GABPA: variants seen among roughly 807,000 people sequenced by gnomAD.
GABPA encodes the protein GA binding protein transcription factor subunit alpha.
A neutral mutation model predicts 59.4 loss-of-function variants in GABPA; 4 were observed. That is an observed-to-expected ratio of 0.07 (90% CI 0.03 to 0.15). GABPA has a LOEUF of 0.15. Among genes scored for constraint, GABPA ranks in the 10% least tolerant of loss-of-function variants. The pLI is 1.00. For missense variants in GABPA, 251 were observed against 543.8 expected (o/e 0.46, Z 5.36); for synonymous variants, 164 against 183.1 (o/e 0.90, Z 0.84).
chr21:25,762,382 A>G lies in GABPA; in HGVS notation c.802+17A>G, dbSNP rs769668227. The G allele has an allele frequency of 2.7e-6, 4 of 1,505,100 alleles. No individual in the cohort carries two copies. The highest frequency in any genetic ancestry group is 2.8e-5 in the African/African-American group (2 of 70,966). The allele number at this position is 1,505,100 out of a possible 1,614,324, so 93.2% of individuals were successfully genotyped here. On this transcript the variant is annotated intron_variant, in intron 7 of 9. Coordinates refer to ENST00000400075, the MANE Select transcript of GABPA (RefSeq NM_002040.4). ...TTGATCAACGTGAGTATTTGTACCT[A>G]TATTTGCCCTTTTATTAATAAGAAA...
chr21:25,771,280 A>G lies in GABPA; in HGVS notation c.*2048A>G, dbSNP rs1312687293. 1.3e-5 allele frequency: 2 copies of G among 152,032 alleles called. No individual in the cohort carries two copies. Among genetic ancestry groups the G allele is most frequent in the East Asian group, 1.9e-4 (1 of 5,202 alleles). The allele number at this position is 152,032 out of a possible 1,614,324, so 9.4% of individuals were successfully genotyped here. A position where few individuals can be genotyped will look rare whatever the true frequency, so the allele number is the denominator to read the frequency against. ...TATGTGTGTGTATGTTTTTAAAGCT[A>G]AAAACATTACTTTTAGATCCCTAGA... is the stretch of plus-strand genomic sequence containing the variant. On this transcript the variant is annotated 3_prime_UTR_variant, in exon 10 of 10. Transcript: ENST00000400075.
At chr21:25,760,388 G>A (rs1467577795) in intron 6 of GABPA, among the ~76,000 whole-genome samples, 1 of 152,176 alleles carries the variant, frequency 6.6e-6, no homozygotes, top group Non-Finnish European at 1.5e-5. Context: ...GGACAGAACT[G>A]TTAATAACCC....
rs767605038 is a variant in GABPA at position 25,758,098 on chromosome 21, A to C, written c.642A>C (p.Thr214=). The stretch of plus-strand genomic sequence containing the variant: ...GCATGACCGATATAGACCTCACCAC[A>C]CTCAACATTTCGGGGAGAGAATTAT... ...EFSMTDIDLT[T]LNISGRELCS... Residue 214 remains threonine (T), a synonymous_variant, in exon 6 of 10, where the codon ACA becomes ACC. Coordinates refer to ENST00000400075, the MANE Select transcript of GABPA (RefSeq NM_002040.4). The C allele has an allele frequency of 6.2e-7, 1 of 1,610,984 alleles. No homozygotes were observed. The highest frequency in any genetic ancestry group is 8.5e-7 in the Non-Finnish European group (1 of 1,178,608).
intron 4 of GABPA, 84 bp from the exon 5 acceptor site, chr21:25,751,905 T>G: frequency 7.2e-7 from 1 of 1,381,304 alleles, no homozygotes; most frequent in Non-Finnish European, 1.0e-6. Flanking sequence ...TTCTCTACCA[T>G]TTGGGAACAT....
intron 6 of GABPA, 73 bp downstream of exon 6, chr21:25,758,277 C>G: frequency 9.1e-7 from 1 of 1,098,002 alleles, no homozygotes; most frequent in East Asian, 2.6e-5. Flanking sequence ...TTGTTTTCAT[C>G]TTAGTTGTTT....
Position 25,764,202 on chromosome 21 carries a change from C to T in GABPA, c.803-8C>T, listed in dbSNP as rs1291842419. 4.5e-6 allele frequency: 7 copies of T among 1,562,146 alleles called. No homozygotes were observed. The highest frequency in any genetic ancestry group is 5.2e-6 in the Non-Finnish European group (6 of 1,159,796). ...AGAAAAAAAATTTCTCCTTGTCTGTCTTTGCAGCTGTGCAAATTATTCCAG... is the reference window on the plus strand; with the variant it reads ...AGAAAAAAAATTTCTCCTTGTCTGTTTTTGCAGCTGTGCAAATTATTCCAG... On this transcript the variant is annotated splice_region_variant and splice_polypyrimidine_tract_variant and intron_variant, in intron 7 of 9. Transcript: ENST00000400075.
chr21:25,748,915 T>C, intron 3 of GABPA, 121 bp from the exon 4 acceptor site: 1 of 669,556 alleles, frequency 1.5e-6, no homozygotes, highest in South Asian at 1.8e-5. Flanking sequence ...GTTCTTATAA[T>C]TTAATTAGTA....
intron 4 of GABPA, among the ~76,000 whole-genome samples, chr21:25,749,978 A>T (rs998004550): frequency 6.6e-6 from 1 of 152,194 alleles, no homozygotes; most frequent in African/African-American, 2.4e-5. Flanking sequence ...TGTGCTTTGT[A>T]TCTATTATTA....
In GABPA at chr21:25,752,398, G is replaced by A. The variant is rs531288374; in HGVS notation, c.553+164G>A. 5 of 790,248 alleles carry A rather than the reference G, an allele frequency of 6.3e-6. 1 individual carries two copies. In the Admixed American group the frequency reaches 1.2e-4, roughly 19 times the overall value. The allele number at this position is 790,248 out of a possible 1,614,324, so 49.0% of individuals were successfully genotyped here. A position where few individuals can be genotyped will look rare whatever the true frequency, so the allele number is the denominator to read the frequency against. ...TGTAACGCACATTTAAGCTCATGTG[G>A]TGGACAAATTCTGTCCTGCGTGCAG... is the stretch of plus-strand genomic sequence containing the variant. On this transcript the variant is annotated intron_variant, in intron 5 of 9. Coordinates refer to ENST00000400075, the MANE Select transcript of GABPA (RefSeq NM_002040.4).
At chr21:25,768,806 G>A (rs1285183865) in intron 9 of GABPA, among the ~76,000 whole-genome samples, 198 bp from the exon 10 acceptor site, 7 of 152,076 alleles carry the variant, frequency 4.6e-5, no homozygotes, top group Non-Finnish European at 8.8e-5. Context: ...TTGGAGTAGT[G>A]AGCATTGAAA....
intron 6 of GABPA, among the ~76,000 whole-genome samples, chr21:25,759,916 T>C (rs187816019): frequency 6.6e-6 from 1 of 152,348 alleles, no homozygotes; most frequent in East Asian, 1.9e-4. Context: ...GTCAGCTGTT[T>C]GTTGTGGCTG....
Position 25,735,005 on chromosome 21 carries a change from C to G in GABPA, c.-600C>G, listed in dbSNP as rs2034976456. 1 of 1,540,952 alleles carries G rather than the reference C, an allele frequency of 6.5e-7. No homozygotes were observed. The highest frequency in any genetic ancestry group is 1.4e-5 in the African/African-American group (1 of 72,994). On this transcript the variant is annotated 5_prime_UTR_variant, in exon 1 of 10. Coordinates refer to ENST00000400075, the MANE Select transcript of GABPA (RefSeq NM_002040.4). ...GACGCTCACCGGACAGGAAGCGTCT[C>G]GGAGACAGTCTGCGACCGGACGGGT...
At chr21:25,752,382 C>A in intron 5 of GABPA, 148 bp downstream of exon 5, 1 of 854,630 alleles carries the variant, frequency 1.2e-6, no homozygotes, top group Non-Finnish European at 1.8e-6. Context: ...TTGTAACGCA[C>A]ATTTAAGCTC....
Position 25,764,268 on chromosome 21 carries a change from A to G in GABPA, c.861A>G (p.Ile287Met). ...QSATPTTIKVINSSAKAAKVQ... is the reference protein window; with the variant it reads ...QSATPTTIKVMNSSAKAAKVQ... Reference sequence around the variant, plus strand: ...CTACACCTACTACCATTAAAGTTATAAATAGTAGTGCGAAAGCAGCCAAAG... The same window carrying G: ...CTACACCTACTACCATTAAAGTTATGAATAGTAGTGCGAAAGCAGCCAAAG... Residue 287 changes from isoleucine (I) to methionine (M), a missense_variant, in exon 8 of 10, where the codon ATA (isoleucine) becomes ATG (methionine). Ile to Met is a conservative substitution (Grantham distance 10). Coordinates refer to ENST00000400075, the MANE Select transcript of GABPA (RefSeq NM_002040.4). The G allele has an allele frequency of 6.2e-7, 1 of 1,611,838 alleles. No individual in the cohort carries two copies. Among genetic ancestry groups the G allele is most frequent in the Non-Finnish European group, 8.5e-7 (1 of 1,178,688 alleles).
chr21:25,752,244 T>C lies in GABPA; in HGVS notation c.553+10T>C. On this transcript the variant is annotated intron_variant, in intron 5 of 9. Coordinates refer to ENST00000400075, the MANE Select transcript of GABPA (RefSeq NM_002040.4). ...CTTGGGATACCCTATGGTAATAAAA[T>C]GCATAATTCTATATTGGGTAGAATA... is the stretch of plus-strand genomic sequence containing the variant. 1.9e-6 allele frequency: 3 copies of C among 1,612,866 alleles called. No homozygotes were observed. Among genetic ancestry groups the C allele is most frequent in the Non-Finnish European group, 2.5e-6 (3 of 1,179,250 alleles).
At chr21:25,753,960 A>G (rs1034521116) in intron 5 of GABPA, among the ~76,000 whole-genome samples, 1 of 152,116 alleles carries the variant, frequency 6.6e-6, no homozygotes, top group African/African-American at 2.4e-5. Context: ...TACACAGTAA[A>G]TGAGAGAGCT....
chr21:25,754,437 T>A (rs1309671594), intron 5 of GABPA, among the ~76,000 whole-genome samples: 1 of 152,172 alleles, frequency 6.6e-6, no homozygotes, highest in Non-Finnish European at 1.5e-5. Context: ...TTTTCTTGTT[T>A]ATTTTTCATC....
chr21:25,740,912 A>G (rs1250706298), intron 1 of GABPA, among the ~76,000 whole-genome samples: 3 of 152,252 alleles, frequency 2.0e-5, no homozygotes, highest in African/African-American at 7.2e-5. Context: ...CTGAATAAAC[A>G]TAGTTCATCT....
intron 1 of GABPA, among the ~76,000 whole-genome samples, chr21:25,736,162 T>C (rs1694301142): frequency 6.6e-6 from 1 of 152,218 alleles, no homozygotes; most frequent in Admixed American, 6.5e-5. Context: ...TTTTGTGTAC[T>C]AGAAGACACG....
Sources: gnomAD v4.1 joint callset for allele counts (sites outside exome capture counted in the v4.1 genomes callset) on GRCh38, gnomAD v4.1.1 for gene constraint, MANE v1.5 for transcripts, NCBI Gene and HGNC (gene_info 2026-07-23, HGNC 2026-07-21) for gene names.